The following STK32B variants were observed in gnomAD, a reference collection of about 807,000 sequenced individuals.
STK32B encodes the protein serine/threonine-protein kinase 32B.
A neutral mutation model predicts 52.6 loss-of-function variants in STK32B; 43 were observed. The ratio of observed to expected loss-of-function variants is 0.82; its 90% confidence interval spans 0.64 to 1.05. STK32B has a LOEUF of 1.05. STK32B is among the 50% of genes least tolerant of loss of function. The pLI, the probability that STK32B is intolerant of heterozygous loss-of-function variation, is 0.00. For synonymous variants in STK32B, 238 were observed against 204.3 expected (o/e 1.17, Z -1.41); for missense variants, 621 against 534.6 (o/e 1.16, Z -1.59).
At chr4:5,035,553 G>A in the STK32B span, among the ~76,000 whole-genome samples, 8 of 152,176 alleles carry the variant, frequency 5.3e-5, no homozygotes, top group African/African-American at 1.4e-4. Flanking sequence ...CCAAAGTGCT[G>A]CCCTGGCAGG....
At chr4:5,210,690 A>G (rs1722853302) in intron 3 of STK32B, among the ~76,000 whole-genome samples, 1 of 152,166 alleles carries the variant, frequency 6.6e-6, no homozygotes, top group South Asian at 2.1e-4. Context: ...AAACAGATAA[A>G]TGGGCATTTA....
intron 3 of STK32B, among the ~76,000 whole-genome samples, chr4:5,249,916 C>A (rs535640087): frequency 6.6e-6 from 1 of 152,274 alleles, no homozygotes; most frequent in South Asian, 2.1e-4. Context: ...TCTCCTCCCA[C>A]CCTCAAGGAG....
rs2109041059 is a variant in STK32B at position 5,394,616 on chromosome 4, G to T, written c.435-3591G>T. On this transcript the variant is annotated intron_variant, in intron 4 of 11. Transcript: ENST00000282908. The surrounding 1 kb of genome is among the most constrained non-coding windows in gnomAD (Gnocchi z 4.2). Reference sequence around the variant, plus strand: ...CAAGAATCTGCCAGTCTGCCTCTGAGTTCTCCCTAGCTCCTTTTGAAAGAG... The same window carrying T: ...CAAGAATCTGCCAGTCTGCCTCTGATTTCTCCCTAGCTCCTTTTGAAAGAG... Among the ~76,000 whole-genome samples the T allele has an allele frequency of 6.6e-6, 1 of 152,344 alleles. No homozygotes were observed. Among genetic ancestry groups the T allele is most frequent in the South Asian group, 2.1e-4 (1 of 4,824 alleles).
Position 5,446,969 on chromosome 4 carries a change from G to A in STK32B, c.666+193G>A, listed in dbSNP as rs73066501. On this transcript the variant is annotated intron_variant, in intron 7 of 11. Coordinates refer to ENST00000282908, the MANE Select transcript of STK32B (RefSeq NM_018401.3). ...GAACTTCTGGTCCAACCCACTCATTGTACAGATGGGAAAGAGGCATTCAGT... is the reference window on the plus strand; with the variant it reads ...GAACTTCTGGTCCAACCCACTCATTATACAGATGGGAAAGAGGCATTCAGT... The A allele has an allele frequency of 6.0e-3, 3,330 of 553,690 alleles. 95 individuals are homozygous for A. The highest frequency in any genetic ancestry group is 0.056 in the African/African-American group (2,981 of 53,018). The allele number at this position is 553,690 out of a possible 1,614,324, so 34.3% of individuals were successfully genotyped here. A position where few individuals can be genotyped will look rare whatever the true frequency, so the allele number is the denominator to read the frequency against.
chr4:5,392,251 C>T lies in STK32B; in HGVS notation c.435-5956C>T, dbSNP rs144288646. ...GGAGTTTGAGACCAGCATGGTGATA[C>T]GCCGTCTCTACTAAAAATACAAAAT... is the stretch of plus-strand genomic sequence containing the variant. On this transcript the variant is annotated intron_variant, in intron 4 of 11. Transcript: ENST00000282908. Among the ~76,000 whole-genome samples, 265 of 152,148 alleles carry T rather than the reference C, an allele frequency of 1.7e-3. 1 individual carries two copies. Among genetic ancestry groups the T allele is most frequent in the South Asian group, 2.7e-3 (13 of 4,818 alleles).
intron 4 of STK32B, among the ~76,000 whole-genome samples, chr4:5,332,634 T>C (rs866499079): frequency 1.1e-4 from 16 of 152,146 alleles, no homozygotes; most frequent in African/African-American, 3.9e-4. Context: ...CTCCTAATGC[T>C]ATCCCTCCCC....
intron 3 of STK32B, among the ~76,000 whole-genome samples, chr4:5,231,130 C>T (rs912472792): frequency 2.0e-5 from 3 of 152,180 alleles, no homozygotes; most frequent in African/African-American, 7.2e-5. Flanking sequence ...ATCACTCTCA[C>T]AAGGATTTTA....
At chr4:5,323,672 C>G (rs545372598) in intron 3 of STK32B, among the ~76,000 whole-genome samples, 1 of 152,300 alleles carries the variant, frequency 6.6e-6, no homozygotes, top group South Asian at 2.1e-4. Context: ...TTGACTGACC[C>G]AATGTGCCAC....
chr4:5,439,469 ATTTG>A (rs1206893111), intron 6 of STK32B, among the ~76,000 whole-genome samples: 1 of 151,474 alleles, frequency 6.6e-6, no homozygotes, highest in Non-Finnish European at 1.5e-5. Flanking sequence ...TTTCTTGTAA[ATTTG>A]TTTGAGTTCA....
intron 3 of STK32B, among the ~76,000 whole-genome samples, chr4:5,263,834 A>G (rs1378785075): frequency 2.0e-5 from 3 of 152,162 alleles, no homozygotes; most frequent in Non-Finnish European, 4.4e-5. Context: ...AATCCCTATC[A>G]CTATTATCAC....
intron 2 of STK32B, among the ~76,000 whole-genome samples, chr4:5,140,758 C>T (rs1438648836): frequency 1.3e-5 from 2 of 152,224 alleles, no homozygotes; most frequent in East Asian, 1.9e-4. Context: ...AGACAACCTC[C>T]CTCCCTCCCT....
chr4:5,114,959 A>G (rs574753607), intron 1 of STK32B, among the ~76,000 whole-genome samples: 2 of 152,276 alleles, frequency 1.3e-5, no homozygotes, highest in African/African-American at 4.8e-5. Flanking sequence ...GGAGAGAGCC[A>G]CTGTTCAAAC....
intron 2 of STK32B, among the ~76,000 whole-genome samples, chr4:5,142,317 C>G (rs1235839907): frequency 6.6e-6 from 1 of 152,188 alleles, no homozygotes; most frequent in Admixed American, 6.5e-5. Flanking sequence ...ATTTCTGCTT[C>G]TCTTTTACTT....
intron 3 of STK32B, among the ~76,000 whole-genome samples, chr4:5,249,074 T>C (rs1221307544): frequency 6.7e-6 from 1 of 150,130 alleles, no homozygotes; most frequent in African/African-American, 2.5e-5. Context: ...ACTTAAAGTA[T>C]GATAATAAAA....
intron 4 of STK32B, among the ~76,000 whole-genome samples, chr4:5,375,815 T>A (rs1466902251): frequency 3.3e-5 from 5 of 151,570 alleles, no homozygotes; most frequent in African/African-American, 1.2e-4. Context: ...GGGCGGGGAG[T>A]GCTCCACAAT....
chr4:5,073,122 T>G (rs1711877088), intron 1 of STK32B, among the ~76,000 whole-genome samples: 1 of 152,076 alleles, frequency 6.6e-6, no homozygotes, highest in Non-Finnish European at 1.5e-5. Context: ...CCTCTGCCTT[T>G]TAATTAGAGT....
rs759087360 is a variant in STK32B, at chr4:5,398,244, G to A, written c.472G>A (p.Gly158Arg). 14 of 1,613,842 alleles carry A rather than the reference G, an allele frequency of 8.7e-6. No individual in the cohort carries two copies. The East Asian group carries it at 1.1e-4, about 13-fold the overall frequency. Residue 158 changes from glycine to arginine, a missense_variant and splice_region_variant, in exon 5 of 12, where the codon GGA (glycine) becomes AGA (arginine). By Grantham distance (125) the Gly-to-Arg change is moderately radical (BLOSUM62 -2). Transcript: ENST00000282908. This position sits in a 1 kb window ranked among gnomAD's most constrained non-coding sequence, Gnocchi z 4.9. ...AGACAATATCCTGCTGGATGAACAC[G>A]GTAAGCCTGCTACTAATCCTTTACA... is the stretch of plus-strand genomic sequence containing the variant. Reference protein sequence around the residue: ...KPDNILLDEHGHVHITDFNIA... With the variant: ...KPDNILLDEHRHVHITDFNIA...
intron 6 of STK32B, among the ~76,000 whole-genome samples, chr4:5,438,695 G>A (rs1714378849): frequency 6.6e-6 from 1 of 152,196 alleles, no homozygotes; most frequent in African/African-American, 2.4e-5. Flanking sequence ...CTGGTGCGCT[G>A]CACCCACTAA....
intron 3 of STK32B, among the ~76,000 whole-genome samples, chr4:5,273,818 A>T (rs1479896181): frequency 1.5e-5 from 2 of 130,890 alleles, no homozygotes; most frequent in Non-Finnish European, 3.1e-5. Flanking sequence ...CAGGAAGGGG[A>T]ATATCACACT....
Sources: allele counts gnomAD v4.1 joint callset (sites outside exome capture counted in the v4.1 genomes callset), GRCh38; gene constraint gnomAD v4.1.1; non-coding constraint Gnocchi (gnomAD v3.1); transcripts MANE v1.5; gene names NCBI Gene and HGNC (gene_info 2026-07-23, HGNC 2026-07-21).